The following TP53RK variants were observed in gnomAD, a reference collection of about 807,000 sequenced individuals.
The protein encoded by TP53RK is EKC/KEOPS complex subunit TP53RK.
TP53RK carries 17 observed loss-of-function variants against 14.9 expected under a neutral mutation model. That is an observed-to-expected ratio of 1.14 (90% CI 0.78 to 1.71). The LOEUF is 1.71. Ranked by LOEUF, TP53RK falls within the 40% of genes most tolerant of loss-of-function variation. The probability of loss-of-function intolerance (pLI) is 0.00; values close to 1 mark genes in which losing one functional copy is unlikely to be tolerated. For synonymous variants in TP53RK, 131 were observed against 138.0 expected, an observed-to-expected ratio of 0.95 and a Z score of 0.36; for missense variants, 343 against 332.0, an observed-to-expected ratio of 1.03 and a Z score of -0.26.
intron 1 of TP53RK, 42 bp from the exon 2 acceptor site, chr20:46,687,273 T>A (rs2063184966): frequency 2.0e-6 from 3 of 1,496,850 alleles, no homozygotes; most frequent in African/African-American, 1.4e-5. Flanking sequence ...GGATTTTTTT[T>A]AACGGGTAAA....
At position 46,685,508 on chromosome 20, in the gene TP53RK, T is replaced by C. The variant is rs2122960969; in HGVS notation, c.*1245A>G. 6.6e-6 allele frequency: 1 copy of C among 152,346 alleles called. No individual in the cohort carries two copies. Among genetic ancestry groups the C allele is most frequent in the East Asian group, 1.9e-4 (1 of 5,194 alleles). 9.4% of individuals were successfully genotyped at this position (152,346 alleles called of 1,614,324 possible). On this transcript the variant is annotated 3_prime_UTR_variant, in exon 2 of 2. Coordinates refer to ENST00000372114, the MANE Select transcript of TP53RK (RefSeq NM_033550.4). ...GGAAATTCATAGCTGCAAATGTCCA[T>C]ATTAAGAAACAAGACAGTAACTATG...
At position 46,684,758 on chromosome 20, in the gene TP53RK, A is replaced by G. The variant is rs2122960145; in HGVS notation, c.*1995T>C. On this transcript the variant is annotated 3_prime_UTR_variant, in exon 2 of 2. Transcript: ENST00000372114. Reference sequence around the variant, plus strand: ...TACTAGCCTTATAGTACACGTGAGGAAACTGAGGAATGAGGCATCTCATTC... The same window carrying G: ...TACTAGCCTTATAGTACACGTGAGGGAACTGAGGAATGAGGCATCTCATTC... The G allele has an allele frequency of 6.6e-6, 1 of 152,338 alleles. No individual in the cohort carries two copies. Among genetic ancestry groups the G allele is most frequent in the South Asian group, 2.1e-4 (1 of 4,830 alleles). 9.4% of individuals were successfully genotyped at this position (152,338 alleles called of 1,614,324 possible).
chr20:46,688,791 A>G (rs951292512), intron 1 of TP53RK, among the ~76,000 whole-genome samples: 3 of 152,252 alleles, frequency 2.0e-5, no homozygotes, highest in Non-Finnish European at 4.4e-5. Context: ...AAACTAATAA[A>G]TGGAAAGATA....
chr20:46,686,584 T>TA lies in TP53RK; in HGVS notation c.*168dup. On this transcript the variant is annotated 3_prime_UTR_variant, in exon 2 of 2. Coordinates refer to ENST00000372114, the MANE Select transcript of TP53RK (RefSeq NM_033550.4). ...ACCCAATTCTGCCTAGAACATGACTTAGACACATAGTAAGCTCTTGAGTGA... is the reference window on the plus strand; with the variant it reads ...ACCCAATTCTGCCTAGAACATGACTTAAGACACATAGTAAGCTCTTGAGTGA... The TA allele has an allele frequency of 1.5e-6, 1 of 652,684 alleles. No individual in the cohort carries two copies. The highest frequency in any genetic ancestry group is 2.8e-5 in the Admixed American group (1 of 35,918). The allele number at this position is 652,684 out of a possible 1,614,324, so 40.4% of individuals were successfully genotyped here.
rs527580208 is a variant in TP53RK, at chr20:46,684,427, C to T, written c.*2326G>A. On this transcript the variant is annotated 3_prime_UTR_variant, in exon 2 of 2. Coordinates refer to ENST00000372114, the MANE Select transcript of TP53RK (RefSeq NM_033550.4). Reference sequence around the variant, plus strand: ...GCATGGCTGGGGATGCCTCAGAAAACTTATAATCATGGCAGATGGGGAAAC... The same window carrying T: ...GCATGGCTGGGGATGCCTCAGAAAATTTATAATCATGGCAGATGGGGAAAC... 2.6e-4 allele frequency: 40 copies of T among 152,276 alleles called. No individual in the cohort carries two copies. Among genetic ancestry groups the T allele is most frequent in the African/African-American group, 7.7e-4 (32 of 41,552 alleles). 9.4% of individuals were successfully genotyped at this position (152,276 alleles called of 1,614,324 possible).
chr20:46,684,529 G>T lies in TP53RK; in HGVS notation c.*2224C>A, dbSNP rs1342526003. On this transcript the variant is annotated 3_prime_UTR_variant, in exon 2 of 2. Coordinates refer to ENST00000372114, the MANE Select transcript of TP53RK (RefSeq NM_033550.4). ...GCCCCTTATAAAACCATCAGATCTCGTGAGAACTCACTCGCTATCACGAGA... is the reference window on the plus strand; with the variant it reads ...GCCCCTTATAAAACCATCAGATCTCTTGAGAACTCACTCGCTATCACGAGA... 6.6e-6 allele frequency: 1 copy of T among 152,156 alleles called. No homozygotes were observed. The highest frequency in any genetic ancestry group is 2.4e-5 in the African/African-American group (1 of 41,426). The allele number at this position is 152,156 out of a possible 1,614,324, so 9.4% of individuals were successfully genotyped here.
rs562488165 is a variant in TP53RK at position 46,689,029 on chromosome 20, G to A, written c.283+103C>T. The A allele has an allele frequency of 3.8e-4, 469 of 1,220,082 alleles. 9 individuals are homozygous for A. In the South Asian group the frequency reaches 9.3e-3, roughly 24 times the overall value. 75.6% of individuals were successfully genotyped at this position (1,220,082 alleles called of 1,614,324 possible). On this transcript the variant is annotated intron_variant, in intron 1 of 1. Transcript: ENST00000372114. ...CCGGACACCGCAGAAGGCACAGAAGGAGAAACTGAGGGAAATCCAGCTTCG... is the reference window on the plus strand; with the variant it reads ...CCGGACACCGCAGAAGGCACAGAAGAAGAAACTGAGGGAAATCCAGCTTCG...
rs12053605 is a variant in TP53RK, at chr20:46,684,488, C to G, written c.*2265G>C. The G allele has an allele frequency of 2.0e-5, 3 of 152,066 alleles. No individual in the cohort carries two copies. The highest frequency in any genetic ancestry group is 4.8e-5 in the African/African-American group (2 of 41,372). The allele number at this position is 152,066 out of a possible 1,614,324, so 9.4% of individuals were successfully genotyped here. On this transcript the variant is annotated 3_prime_UTR_variant, in exon 2 of 2. Transcript: ENST00000372114. ...TTCTCCACGTGGCAGCAGGAAGTGCCGAACAAGAGGGAAAAGCCCCTTATA... is the reference window on the plus strand; with the variant it reads ...TTCTCCACGTGGCAGCAGGAAGTGCGGAACAAGAGGGAAAAGCCCCTTATA...
chr20:46,688,981 GA>G (rs949959065), intron 1 of TP53RK, 150 bp downstream of exon 1: 1 of 909,990 alleles, frequency 1.1e-6, no homozygotes, highest in African/African-American at 1.8e-5. Flanking sequence ...AAAAAGGGAT[GA>G]AAGAATAACA....
At position 46,689,047 on chromosome 20, in the gene TP53RK, C is replaced by G. The variant is rs6012009; in HGVS notation, c.283+85G>C. 0.11 allele frequency: 138,805 copies of G among 1,292,116 alleles called. 9,181 individuals carry two copies. Among genetic ancestry groups the G allele is most frequent in the East Asian group, 0.3 (9,552 of 32,116 alleles). The allele number at this position is 1,292,116 out of a possible 1,614,324, so 80.0% of individuals were successfully genotyped here. A position where few individuals can be genotyped will look rare whatever the true frequency, so the allele number is the denominator to read the frequency against. On this transcript the variant is annotated intron_variant, in intron 1 of 1. Coordinates refer to ENST00000372114, the MANE Select transcript of TP53RK (RefSeq NM_033550.4). ...ACAGAAGGAGAAACTGAGGGAAATC[C>G]AGCTTCGGAGCGCAGGGGAGTCCCT...
rs183603104 is a variant in TP53RK at position 46,686,286 on chromosome 20, C to T, written c.*467G>A. 144 of 158,816 alleles carry T rather than the reference C, an allele frequency of 9.1e-4. 1 individual carries two copies. Among genetic ancestry groups the T allele is most frequent in the African/African-American group, 3.4e-3 (141 of 41,588 alleles). 9.8% of individuals were successfully genotyped at this position (158,816 alleles called of 1,614,324 possible). The stretch of plus-strand genomic sequence containing the variant: ...CATAAAACAATACACTGATATTTTC[C>T]ATGCTGTATTCTATTTCATTTTTTA... On this transcript the variant is annotated 3_prime_UTR_variant, in exon 2 of 2. Transcript: ENST00000372114.
rs946287403 is a variant in TP53RK, at chr20:46,685,456, A to C, written c.*1297T>G. ...AAAAACACAAAATACCAAAACTGAGAGTGTGTGATGACAACAGTGTGCAGA... is the reference window on the plus strand; with the variant it reads ...AAAAACACAAAATACCAAAACTGAGCGTGTGTGATGACAACAGTGTGCAGA... On this transcript the variant is annotated 3_prime_UTR_variant, in exon 2 of 2. Transcript: ENST00000372114. 3.1e-4 allele frequency: 47 copies of C among 152,250 alleles called. No homozygotes were observed. 9.4% of individuals were successfully genotyped at this position (152,250 alleles called of 1,614,324 possible).
chr20:46,689,346 G>T lies in TP53RK; in HGVS notation c.69C>A (p.Ala23=). 1 of 1,568,500 alleles carries T rather than the reference G, an allele frequency of 6.4e-7. No individual in the cohort carries two copies. The highest frequency in any genetic ancestry group is 8.6e-7 in the Non-Finnish European group (1 of 1,166,848). ...EEPAPEAEAL[A]AARERSSRFL... ...AGCGGCTGCTCCGCTCCCGGGCTGCGGCCAGAGCCTCAGCCTCCGGGGCGG... is the reference window on the plus strand; with the variant it reads ...AGCGGCTGCTCCGCTCCCGGGCTGCTGCCAGAGCCTCAGCCTCCGGGGCGG... The change falls in exon 1 of 2, where the codon GCC becomes GCA. Residue 23 remains alanine, a synonymous_variant. Coordinates refer to ENST00000372114, the MANE Select transcript of TP53RK (RefSeq NM_033550.4).
In TP53RK at chr20:46,686,755, A is replaced by G. The variant is rs746853072; in HGVS notation, c.760T>C (p.Ter254GlnextTer10). Residue 254 changes from the stop codon to glutamine (Q), a stop_lost, in exon 2 of 2, where the codon TAG (stop) becomes CAG (glutamine). Transcript: ENST00000372114. ...GTGTGGTTGTCATACACATTCTTCT[A>G]CCCAACCATGGACCTCTTTCTTCCT... ...LRGRKRSMVG[*>Q] 18 of 1,611,194 alleles carry G rather than the reference A, an allele frequency of 1.1e-5. No individual in the cohort carries two copies. Among genetic ancestry groups the G allele is most frequent in the South Asian group, 2.2e-5 (2 of 90,956 alleles).
In TP53RK at chr20:46,686,687, G is replaced by T; in HGVS notation, c.*66C>A. 1 of 1,303,930 alleles carries T rather than the reference G, an allele frequency of 7.7e-7. No individual in the cohort carries two copies. The highest frequency in any genetic ancestry group is 1.1e-6 in the Non-Finnish European group (1 of 920,476). The allele number at this position is 1,303,930 out of a possible 1,614,324, so 80.8% of individuals were successfully genotyped here. On this transcript the variant is annotated 3_prime_UTR_variant, in exon 2 of 2. Transcript: ENST00000372114. ...TTTACTTAGATCTCATCTCATACTTGTAGCATTTCTTCAAATTTACTTTGA... is the reference window on the plus strand; with the variant it reads ...TTTACTTAGATCTCATCTCATACTTTTAGCATTTCTTCAAATTTACTTTGA...
chr20:46,687,218 T>C lies in TP53RK; in HGVS notation c.297A>G (p.Pro99=), dbSNP rs777191510. 9.5e-6 allele frequency: 15 copies of C among 1,586,174 alleles called. No homozygotes were observed. Among genetic ancestry groups the C allele is most frequent in the Non-Finnish European group, 1.3e-5 (15 of 1,163,738 alleles). ...LRCRRAGISA[P]VVFFVDYASN... ...AAGCATAGTCCACAAAAAAGACAAC[T>C]GGGGCAGATATTCCTGAAATCAAGA... The change falls in exon 2 of 2, where the codon CCA becomes CCG. Residue 99 remains proline (P), a synonymous_variant. Coordinates refer to ENST00000372114, the MANE Select transcript of TP53RK (RefSeq NM_033550.4).
intron 1 of TP53RK, 126 bp from the exon 2 acceptor site, chr20:46,687,357 G>C (rs1355886104): frequency 1.2e-6 from 1 of 857,130 alleles, no homozygotes; most frequent in African/African-American, 1.7e-5. Flanking sequence ...AATGCTACAG[G>C]AAATGGTACA....
rs2063172614 is a variant in TP53RK, at chr20:46,684,657, G to A, written c.*2096C>T. 6.6e-6 allele frequency: 1 copy of A among 152,040 alleles called. No individual in the cohort carries two copies. Among genetic ancestry groups the A allele is most frequent in the Non-Finnish European group, 1.5e-5 (1 of 68,024 alleles). 9.4% of individuals were successfully genotyped at this position (152,040 alleles called of 1,614,324 possible). A position where few individuals can be genotyped will look rare whatever the true frequency, so the allele number is the denominator to read the frequency against. Reference sequence around the variant, plus strand: ...ACAATTCAAGATGAGATTTGGATGGGGACACAGCCAAACCCTATCAACTAG... The same window carrying A: ...ACAATTCAAGATGAGATTTGGATGGAGACACAGCCAAACCCTATCAACTAG... On this transcript the variant is annotated 3_prime_UTR_variant, in exon 2 of 2. Transcript: ENST00000372114.
chr20:46,688,560 G>C (rs2063191356), intron 1 of TP53RK, among the ~76,000 whole-genome samples: 1 of 152,224 alleles, frequency 6.6e-6, no homozygotes, highest in South Asian at 2.1e-4. Flanking sequence ...TATGTGCCAG[G>C]CACACATTTG....
Sources: allele counts gnomAD v4.1 joint callset (sites outside exome capture counted in the v4.1 genomes callset), GRCh38; gene constraint gnomAD v4.1.1; transcripts MANE v1.5; gene names NCBI Gene and HGNC (gene_info 2026-07-23, HGNC 2026-07-21).